LMO3: variants seen among roughly 807,000 people sequenced by gnomAD.
The protein encoded by LMO3 is LIM domain only protein 3.
A neutral mutation model predicts 15.8 loss-of-function variants in LMO3; 2 were observed. That is an observed-to-expected ratio of 0.13 (90% CI 0.05 to 0.40). The LOEUF is 0.40. LMO3 is among the 10% of genes least tolerant of loss of function. The pLI is 0.99. For synonymous variants in LMO3, 62 were observed against 63.8 expected, an observed-to-expected ratio of 0.97 and a Z score of 0.13; for missense variants, 86 against 182.2, an observed-to-expected ratio of 0.47 and a Z score of 3.04.
Position 16,604,989 on chromosome 12 carries a change from G to A in LMO3, c.-9+1077C>T, listed in dbSNP as rs1018117968. On this transcript the variant is annotated intron_variant, in intron 1 of 3. Coordinates refer to ENST00000537304, the MANE Select transcript of LMO3 (RefSeq NM_018640.5). This position sits in a 1 kb window ranked among gnomAD's most constrained non-coding sequence, Gnocchi z 5.3. ...GTCTCCTTGATTTCGCTTAAGTGTGGACCTGGTGCGCAGCCTACACCGCCG... is the reference window on the plus strand; with the variant it reads ...GTCTCCTTGATTTCGCTTAAGTGTGAACCTGGTGCGCAGCCTACACCGCCG... 3.1e-6 allele frequency: 5 copies of A among 1,595,954 alleles called. No individual in the cohort carries two copies. The East Asian group carries it at 8.9e-5, about 28-fold the overall frequency.
intron 2 of LMO3, among the ~76,000 whole-genome samples, chr12:16,580,090 T>C (rs369122575): frequency 6.6e-6 from 1 of 152,202 alleles, no homozygotes; most frequent in Non-Finnish European, 1.5e-5. Flanking sequence ...TACAATATGA[T>C]ATCATTTATC....
intron 2 of LMO3, chr12:16,573,511 C>A (rs558642274): frequency 1.3e-5 from 2 of 152,180 alleles, no homozygotes; most frequent in East Asian, 3.9e-4. Context: ...TTACTCTCAG[C>A]CTGTCAAAAA....
At chr12:16,562,239 G>C (rs1023022536) in intron 2 of LMO3, among the ~76,000 whole-genome samples, 1 of 152,008 alleles carries the variant, frequency 6.6e-6, no homozygotes, top group Non-Finnish European at 1.5e-5. Context: ...TACTTAACAT[G>C]ATCTGCTTAG....
At chr12:16,554,328 T>C (rs1194452451) in intron 3 of LMO3, among the ~76,000 whole-genome samples, 2 of 152,200 alleles carry the variant, frequency 1.3e-5, no homozygotes, top group Non-Finnish European at 2.9e-5. Flanking sequence ...TGTTAGTGAC[T>C]GACAATTATG....
Position 16,559,689 on chromosome 12 carries a change from G to T in LMO3, c.332+724C>A, listed in dbSNP as rs1328266117. ...AGATTGGGTGGGGGTGGTGGCTCAT[G>T]CCTATAATCCCTGCACTTTGGGAGG... is the stretch of plus-strand genomic sequence containing the variant. On this transcript the variant is annotated intron_variant, in intron 3 of 3. Transcript: ENST00000537304. This position sits in a 1 kb window ranked among gnomAD's most constrained non-coding sequence, Gnocchi z 4.1. Among the ~76,000 whole-genome samples, 2 of 152,090 alleles carry T rather than the reference G, an allele frequency of 1.3e-5. No homozygotes were observed. The highest frequency in any genetic ancestry group is 3.9e-4 in the East Asian group (2 of 5,194).
At chr12:16,610,116 C>T (rs577443354), upstream of LMO3, 1 of 152,370 alleles carries the variant, frequency 6.6e-6, no homozygotes, top group South Asian at 2.1e-4. Flanking sequence ...TTCAGGCTTC[C>T]TGTCTTTCTT....
Position 16,578,563 on chromosome 12 carries a change from A to G in LMO3, c.207-18025T>C, listed in dbSNP as rs148892362. Among the ~76,000 whole-genome samples, 921 of 152,242 alleles carry G rather than the reference A, an allele frequency of 6.0e-3. 6 individuals carry two copies. The highest frequency in any genetic ancestry group is 0.016 in the South Asian group (75 of 4,824). ...CCGGGCGCCGTGGCTCATGCCTGTAATCCCAGCCCTTTGGGAGGCTGAGGC... is the reference window on the plus strand; with the variant it reads ...CCGGGCGCCGTGGCTCATGCCTGTAGTCCCAGCCCTTTGGGAGGCTGAGGC... On this transcript the variant is annotated intron_variant, in intron 2 of 3. Coordinates refer to ENST00000537304, the MANE Select transcript of LMO3 (RefSeq NM_018640.5).
upstream of LMO3, chr12:16,609,634 G>A (rs1162841327): frequency 6.6e-6 from 1 of 152,066 alleles, no homozygotes; most frequent in Non-Finnish European, 1.5e-5. Flanking sequence ...TTCTTCAGGG[G>A]TCTTATATTG....
At chr12:16,605,772 G>A in intron 1 of LMO3, 1 of 1,535,446 alleles carries the variant, frequency 6.5e-7, no homozygotes, top group Non-Finnish European at 8.7e-7. Context: ...TCGTACTTGA[G>A]ACGTTCCGCG....
chr12:16,605,048 G>C, intron 1 of LMO3: 1 of 1,512,722 alleles, frequency 6.6e-7, no homozygotes, highest in Non-Finnish European at 8.8e-7. Context: ...TTTGGGAGCG[G>C]GTCGGAGTGG....
chr12:16,588,297 A>G (rs955792015), intron 2 of LMO3, among the ~76,000 whole-genome samples: 4 of 152,056 alleles, frequency 2.6e-5, no homozygotes, highest in African/African-American at 9.7e-5. Context: ...TTAAGAATAA[A>G]GATATATAAT....
At position 16,598,202 on chromosome 12, in the gene LMO3, T is replaced by C. The variant is rs1295346385; in HGVS notation, c.206+2453A>G. The C allele has an allele frequency of 6.6e-6, 1 of 152,068 alleles. No individual in the cohort carries two copies. The highest frequency in any genetic ancestry group is 2.4e-5 in the African/African-American group (1 of 41,456). The allele number at this position is 152,068 out of a possible 1,614,324, so 9.4% of individuals were successfully genotyped here. ...ACACAATTTCACTGAGACACATGCT[T>C]TCCACATAAAACTAAATACCACATC... On this transcript the variant is annotated intron_variant, in intron 2 of 3. Transcript: ENST00000537304. This position sits in a 1 kb window ranked among gnomAD's most constrained non-coding sequence, Gnocchi z 4.3.
intron 2 of LMO3, among the ~76,000 whole-genome samples, chr12:16,566,660 C>T (rs1203946112): frequency 6.6e-6 from 1 of 152,032 alleles, no homozygotes. Flanking sequence ...TCTATATTAA[C>T]TCTAGCTTAT....
chr12:16,564,696 GCA>G (rs1417621247), intron 2 of LMO3, among the ~76,000 whole-genome samples: 5 of 152,184 alleles, frequency 3.3e-5, no homozygotes, highest in Non-Finnish European at 7.3e-5. Flanking sequence ...TGAGGAAAAT[GCA>G]CAAATATGTC....
intron 2 of LMO3, among the ~76,000 whole-genome samples, chr12:16,570,047 C>G (rs573894024): frequency 6.6e-6 from 1 of 152,210 alleles, no homozygotes; most frequent in South Asian, 2.1e-4. Flanking sequence ...ACATCTCTCC[C>G]TTGATATAGC....
At position 16,600,696 on chromosome 12, in the gene LMO3, G is replaced by A. The variant is rs201478341; in HGVS notation, c.165C>T (p.Tyr55=). 6.2e-7 allele frequency: 1 copy of A among 1,614,132 alleles called. No individual in the cohort carries two copies. Among genetic ancestry groups the A allele is most frequent in the East Asian group, 2.2e-5 (1 of 44,882 alleles). The part of the protein sequence containing the change: ...CRLGEVGSTL[Y]TKANLILCRR... ...GACAAAGGATAAGATTAGCTTTAGT[G>A]TACAGGGTGGAGCCCACCTCTCCCA... Residue 55 remains tyrosine, a synonymous_variant, in exon 2 of 4, where the codon TAC becomes TAT. Transcript: ENST00000537304.
rs1943542090 is a variant in LMO3, at chr12:16,593,001, A to T, written c.206+7654T>A. On this transcript the variant is annotated intron_variant, in intron 2 of 3. Coordinates refer to ENST00000537304, the MANE Select transcript of LMO3 (RefSeq NM_018640.5). The surrounding 1 kb of genome is among the most constrained non-coding windows in gnomAD (Gnocchi z 4.2). The stretch of plus-strand genomic sequence containing the variant: ...CTTTTCCCTCTTGTTGCTTGTTGGG[A>T]TCCCACAGCATAAATGAGACAGGAA... Among the ~76,000 whole-genome samples the T allele has an allele frequency of 6.6e-6, 1 of 151,754 alleles. No individual in the cohort carries two copies. Among genetic ancestry groups the T allele is most frequent in the African/African-American group, 2.4e-5 (1 of 41,380 alleles).
At chr12:16,588,073 T>C (rs905400420) in intron 2 of LMO3, among the ~76,000 whole-genome samples, 1 of 152,142 alleles carries the variant, frequency 6.6e-6, no homozygotes, top group Admixed American at 6.6e-5. Context: ...ATCAAACAAC[T>C]TTCAATTAAA....
Position 16,598,581 on chromosome 12 carries a change from T to G in LMO3, c.206+2074A>C, listed in dbSNP as rs1279791082. 2.6e-5 allele frequency: 4 copies of G among 152,196 alleles called. No individual in the cohort carries two copies. The highest frequency in any genetic ancestry group is 4.4e-5 in the Non-Finnish European group (3 of 68,026). 9.4% of individuals were successfully genotyped at this position (152,196 alleles called of 1,614,324 possible). A position where few individuals can be genotyped will look rare whatever the true frequency, so the allele number is the denominator to read the frequency against. ...AAGTTTGAGCCTATCAGGAGGTAACTGAAAGTTATTCTACAAAAAGCCACA... is the reference window on the plus strand; with the variant it reads ...AAGTTTGAGCCTATCAGGAGGTAACGGAAAGTTATTCTACAAAAAGCCACA... On this transcript the variant is annotated intron_variant, in intron 2 of 3. Coordinates refer to ENST00000537304, the MANE Select transcript of LMO3 (RefSeq NM_018640.5). This position sits in a 1 kb window ranked among gnomAD's most constrained non-coding sequence, Gnocchi z 4.3.
Sources: allele counts gnomAD v4.1 joint callset (sites outside exome capture counted in the v4.1 genomes callset), GRCh38; gene constraint gnomAD v4.1.1; non-coding constraint Gnocchi (gnomAD v3.1); transcripts MANE v1.5; gene names NCBI Gene and HGNC (gene_info 2026-07-23, HGNC 2026-07-21).